Variants in COLEC10 observed in about 807,000 individuals in gnomAD.
COLEC10 encodes the protein collectin subfamily member 10, also known as collectin-10.
A neutral mutation model predicts 28.4 loss-of-function variants in COLEC10; 22 were observed. The observed-to-expected ratio is 0.78, with a 90% confidence interval of 0.55 to 1.11. The LOEUF is 1.11. Ranked by LOEUF, COLEC10 falls within the 50% of genes least tolerant of loss-of-function variation. COLEC10 has a pLI of 0.00. For missense variants in COLEC10, 361 were observed against 344.1 expected (o/e 1.05, Z -0.39); for synonymous variants, 125 against 116.1 (o/e 1.08, Z -0.49).
intron 1 of COLEC10, among the ~76,000 whole-genome samples, chr8:119,085,753 G>A (rs895574567): frequency 4.0e-5 from 6 of 151,742 alleles, no homozygotes; most frequent in Non-Finnish European, 8.8e-5. Flanking sequence ...GAGTAACTGG[G>A]ATTACAGGCA....
intron 1 of COLEC10, among the ~76,000 whole-genome samples, chr8:119,008,979 A>G (rs1813857295): frequency 6.6e-6 from 1 of 150,812 alleles, no homozygotes; most frequent in Non-Finnish European, 1.5e-5. Flanking sequence ...AAATTCATTT[A>G]ATACCAACTT....
intron 2 of COLEC10, among the ~76,000 whole-genome samples, chr8:119,090,236 C>T (rs934331904): frequency 6.6e-6 from 1 of 152,084 alleles, no homozygotes; most frequent in African/African-American, 2.4e-5. Flanking sequence ...GAATAACACA[C>T]TGGAGAAATG....
the COLEC10 span, chr8:118,982,791 C>T: frequency 1.3e-5 from 2 of 152,640 alleles, no homozygotes; most frequent in African/African-American, 2.4e-5. Flanking sequence ...ATTACCAGAA[C>T]CTGGTCAGGA....
At chr8:119,093,227 CTG>C (rs775705655) in intron 3 of COLEC10, among the ~76,000 whole-genome samples, 23 of 152,330 alleles carry the variant, frequency 1.5e-4, no homozygotes, top group Admixed American at 5.9e-4. Flanking sequence ...GGTTGACAGA[CTG>C]TGGTCTGAGC....
intron 1 of COLEC10, among the ~76,000 whole-genome samples, chr8:118,996,651 G>A (rs540859855): frequency 3.3e-5 from 5 of 152,138 alleles, no homozygotes; most frequent in Non-Finnish European, 7.4e-5. Flanking sequence ...CCATCTATCT[G>A]TATGCTTTCT....
the COLEC10 span, among the ~76,000 whole-genome samples, chr8:118,975,628 G>C: frequency 6.6e-6 from 1 of 152,008 alleles, no homozygotes; most frequent in Admixed American, 6.6e-5. Context: ...TTTTCCAGTG[G>C]CTTGGATTCT....
At chr8:119,017,106 T>A (rs1418495016) in intron 2 of COLEC10, among the ~76,000 whole-genome samples, 2 of 152,218 alleles carry the variant, frequency 1.3e-5, no homozygotes, top group African/African-American at 4.8e-5. Flanking sequence ...CCATTGATGA[T>A]GAGCTTTTTT....
the COLEC10 span, among the ~76,000 whole-genome samples, chr8:118,969,641 G>T: frequency 1.3e-5 from 2 of 150,916 alleles, no homozygotes; most frequent in African/African-American, 4.9e-5. Flanking sequence ...ACCCAGAGCT[G>T]TACTCTTTCC....
intron 2 of COLEC10, among the ~76,000 whole-genome samples, chr8:119,019,740 A>G (rs1814059869): frequency 6.6e-6 from 1 of 152,158 alleles, no homozygotes; most frequent in Non-Finnish European, 1.5e-5. Context: ...GACAGTGTCA[A>G]TCCACTAGGG....
the COLEC10 span, among the ~76,000 whole-genome samples, chr8:118,953,619 G>A: frequency 1.3e-5 from 2 of 152,110 alleles, no homozygotes; most frequent in Non-Finnish European, 2.9e-5. Flanking sequence ...TTGCAGAAAC[G>A]TAAGAGAAAG....
chr8:119,065,218 T>A (rs1023450441), upstream of COLEC10, among the ~76,000 whole-genome samples: 1 of 152,116 alleles, frequency 6.6e-6, no homozygotes, highest in Admixed American at 6.5e-5. Flanking sequence ...GCAGGAGGTG[T>A]GCGGTGGGTG....
upstream of COLEC10, among the ~76,000 whole-genome samples, chr8:118,995,242 A>G (rs748077835): frequency 6.6e-6 from 1 of 152,186 alleles, no homozygotes; most frequent in Non-Finnish European, 1.5e-5. Context: ...CCTATTGCTA[A>G]GAAAATGCAT....
intron 2 of COLEC10, among the ~76,000 whole-genome samples, chr8:119,039,628 TA>T (rs543509710): frequency 1.3e-5 from 2 of 152,186 alleles, no homozygotes; most frequent in Non-Finnish European, 2.9e-5. Flanking sequence ...ATTTAGGAGA[TA>T]AAAAATCCAA....
the COLEC10 span, among the ~76,000 whole-genome samples, chr8:118,973,534 C>T: frequency 1.3e-5 from 2 of 151,914 alleles, no homozygotes; most frequent in African/African-American, 2.4e-5. Flanking sequence ...CTTGCTTCAT[C>T]GAAGTACACA....
intron 1 of COLEC10, among the ~76,000 whole-genome samples, chr8:119,078,779 T>A (rs1431183845): frequency 4.6e-5 from 7 of 152,168 alleles, no homozygotes; most frequent in Non-Finnish European, 7.3e-5. Flanking sequence ...GTATACATAA[T>A]AATACAGTTA....
intron 1 of COLEC10, among the ~76,000 whole-genome samples, chr8:119,008,477 T>C (rs1403387273): frequency 2.1e-5 from 2 of 94,198 alleles, no homozygotes; most frequent in Non-Finnish European, 4.2e-5. Context: ...ATTTTTACTT[T>C]TTATTTTTTT....
intron 1 of COLEC10, among the ~76,000 whole-genome samples, chr8:119,089,115 T>G (rs749182710): frequency 4.6e-5 from 7 of 152,232 alleles, no homozygotes; most frequent in African/African-American, 9.6e-5. Context: ...ATTCTCAGTC[T>G]GGGCATTGTT....
chr8:119,016,165 C>A (rs930329668), intron 2 of COLEC10, among the ~76,000 whole-genome samples: 1 of 152,042 alleles, frequency 6.6e-6, no homozygotes, highest in African/African-American at 2.4e-5. Flanking sequence ...TGTCCTAATG[C>A]TCTCCCTTCC....
upstream of COLEC10, among the ~76,000 whole-genome samples, chr8:119,064,475 G>A (rs1016079839): frequency 6.6e-5 from 10 of 152,158 alleles, no homozygotes; most frequent in African/African-American, 2.4e-4. Flanking sequence ...ACAATTTAAA[G>A]AGTATCAATT....
Sources: gnomAD v4.1 joint callset for allele counts (sites outside exome capture counted in the v4.1 genomes callset) on GRCh38, gnomAD v4.1.1 for gene constraint, MANE v1.5 for transcripts, NCBI Gene and HGNC (gene_info 2026-07-23, HGNC 2026-07-21) for gene names.